The following STIP1 variants were observed in gnomAD, a reference collection of about 807,000 sequenced individuals.
STIP1 encodes the protein stress-induced-phosphoprotein 1.
Under a neutral mutation model 77.4 loss-of-function variants are expected in STIP1, and 16 were observed. The ratio of observed to expected loss-of-function variants is 0.21; its 90% CI spans 0.14 to 0.31. The LOEUF is 0.31. Among genes scored for constraint, STIP1 ranks in the 10% least tolerant of loss-of-function variants. The pLI, the probability that STIP1 is intolerant of heterozygous loss-of-function variation, is 1.00. For missense variants in STIP1, 524 were observed against 684.8 expected, an observed-to-expected ratio of 0.77 and a Z score of 2.62; for synonymous variants, 258 against 246.6, an observed-to-expected ratio of 1.05 and a Z score of -0.44.
At position 64,204,144 on chromosome 11, in the gene STIP1, C is replaced by A; in HGVS notation, c.*18C>A. On this transcript the variant is annotated 3_prime_UTR_variant, in exon 14 of 14. Transcript: ENST00000305218. ...TTCGGTGATGACTTGTTCATCCCCC[C>A]TTCCCTTCGCCCTCATGTGGAAAGA... 1.2e-6 allele frequency: 2 copies of A among 1,613,872 alleles called. No homozygotes were observed. The highest frequency in any genetic ancestry group is 1.7e-6 in the Non-Finnish European group (2 of 1,179,768).
At chr11:64,198,531 G>A (rs1946176568) in intron 8 of STIP1, among the ~76,000 whole-genome samples, 1 of 152,064 alleles carries the variant, frequency 6.6e-6, no homozygotes, top group Non-Finnish European at 1.5e-5. Flanking sequence ...TTTATTTGTA[G>A]AGAAGGGGTC....
At chr11:64,186,302 G>T (rs1370588358) in intron 1 of STIP1, 32 bp downstream of exon 1, 1 of 1,439,190 alleles carries the variant, frequency 6.9e-7, no homozygotes, top group Non-Finnish European at 9.3e-7. Flanking sequence ...GAGGCCCCGA[G>T]CCTGCTCGGG....
At position 64,197,881 on chromosome 11, in the gene STIP1, C is replaced by T. The variant is rs1946168396; in HGVS notation, c.930C>T (p.Tyr310=). The T allele has an allele frequency of 6.2e-7, 1 of 1,612,346 alleles. No individual in the cohort carries two copies. The highest frequency in any genetic ancestry group is 8.5e-7 in the Non-Finnish European group (1 of 1,179,846). The change falls in exon 8 of 14, where the codon TAC becomes TAT. Residue 310 remains tyrosine, a synonymous_variant. Coordinates refer to ENST00000305218, the MANE Select transcript of STIP1 (RefSeq NM_006819.3). ...CATATGCTCGAATTGGCAACTCCTA[C>T]TTCAAAGAAGAAAAGTACAAGGATG... is the stretch of plus-strand genomic sequence containing the variant. ...AKAYARIGNS[Y]FKEEKYKDAI...
chr11:64,193,252 T>A lies in STIP1; in HGVS notation c.184T>A (p.Cys62Ser). Reference protein sequence around the residue: ...GDYQKAYEDGCKTVDLKPDWG... With the variant: ...GDYQKAYEDGSKTVDLKPDWG... The stretch of plus-strand genomic sequence containing the variant: ...CTACCAGAAGGCTTATGAGGATGGC[T>A]GCAAGACTGTCGACCTAAAGCCTGA... The change falls in exon 2 of 14, where the codon TGC becomes AGC. Residue 62 changes from cysteine (C) to serine (S), a missense_variant. Cys to Ser is a moderately radical substitution (Grantham distance 112). Transcript: ENST00000305218. 6.2e-7 allele frequency: 1 copy of A among 1,614,204 alleles called. No homozygotes were observed.
chr11:64,185,624 G>A (rs1345587425), upstream of STIP1: 2 of 660,438 alleles, frequency 3.0e-6, no homozygotes, highest in African/African-American at 1.8e-5. Context: ...GCGGCACTCG[G>A]GAGCGAGAGG....
At chr11:64,186,576 C>G (rs984778406) in intron 1 of STIP1, 31 of 98,710 alleles carry the variant, frequency 3.1e-4, no homozygotes, top group Non-Finnish European at 5.3e-4. Flanking sequence ...GAAGGCGTCC[C>G]GAGGGGGCGG....
At chr11:64,192,968 A>G in intron 1 of STIP1, 110 bp from the exon 2 acceptor site, 1 of 1,026,648 alleles carries the variant, frequency 9.7e-7, no homozygotes. Flanking sequence ...TCTGATCTGT[A>G]AAGTCACCTA....
intron 1 of STIP1, among the ~76,000 whole-genome samples, chr11:64,186,891 C>G (rs1257887120): frequency 6.6e-6 from 1 of 152,166 alleles, no homozygotes; most frequent in African/African-American, 2.4e-5. Context: ...CCGACTCTAC[C>G]TGATGCGGGA....
chr11:64,195,115 T>C lies in STIP1; in HGVS notation c.503+495T>C, dbSNP rs542796244. On this transcript the variant is annotated intron_variant, in intron 4 of 13. Coordinates refer to ENST00000305218, the MANE Select transcript of STIP1 (RefSeq NM_006819.3). The stretch of plus-strand genomic sequence containing the variant: ...TGTGACTTCATTTTATTTTATTTTA[T>C]TTTATTTTATTTTTTCAAGATGGAG... Among the ~76,000 whole-genome samples the C allele has an allele frequency of 6.6e-5, 10 of 152,184 alleles. No individual in the cohort carries two copies. In the South Asian group the frequency reaches 2.1e-3, roughly 32 times the overall value.
chr11:64,194,109 A>C (rs1164598193), intron 2 of STIP1, 80 bp from the exon 3 acceptor site: 2 of 1,542,674 alleles, frequency 1.3e-6, no homozygotes, highest in Non-Finnish European at 1.7e-6. Context: ...CCATAAAAGT[A>C]GAATTGTTCT....
At chr11:64,193,318 C>T (rs371218253) in intron 2 of STIP1, 31 bp downstream of exon 2, 11 of 1,607,008 alleles carry the variant, frequency 6.8e-6, no homozygotes, top group Non-Finnish European at 9.4e-6. Context: ...GGAGAGAGGC[C>T]CTTCAGACCC....
chr11:64,197,774 C>A lies in STIP1; in HGVS notation c.903-80C>A, dbSNP rs565194433. 3.2e-6 allele frequency: 5 copies of A among 1,579,518 alleles called. No homozygotes were observed. The South Asian group carries it at 4.6e-5, about 15-fold the overall frequency. The stretch of plus-strand genomic sequence containing the variant: ...GTTGAAGGCAGTGATGCGGGCCTTT[C>A]TAGCTGCAGGTGTGTTTTTCTGCAG... On this transcript the variant is annotated intron_variant, in intron 7 of 13. Transcript: ENST00000305218.
chr11:64,202,960 G>A (rs952630054), intron 11 of STIP1, 48 bp downstream of exon 11: 3 of 1,613,830 alleles, frequency 1.9e-6, no homozygotes, highest in Non-Finnish European at 2.5e-6. Context: ...CAAAAGATTA[G>A]AGAAGGAAAG....
Position 64,204,349 on chromosome 11 carries a change from G to C in STIP1, c.*223G>C. 1.9e-6 allele frequency: 1 copy of C among 520,348 alleles called. No homozygotes were observed. The highest frequency in any genetic ancestry group is 3.4e-6 in the Non-Finnish European group (1 of 298,040). 32.2% of individuals were successfully genotyped at this position (520,348 alleles called of 1,614,324 possible). ...GCATGGTCTCTTCACCGCTGCCCTC[G>C]AGTTCCATGTCTCTTTCCCCTGCCC... On this transcript the variant is annotated 3_prime_UTR_variant, in exon 14 of 14. Coordinates refer to ENST00000305218, the MANE Select transcript of STIP1 (RefSeq NM_006819.3).
chr11:64,186,249 A>T lies in STIP1; in HGVS notation c.-13A>T, dbSNP rs201738240. The T allele has an allele frequency of 1.2e-4, 176 of 1,418,998 alleles. No homozygotes were observed. In the African/African-American group the frequency reaches 1.9e-3, roughly 15 times the overall value. 87.9% of individuals were successfully genotyped at this position (1,418,998 alleles called of 1,614,324 possible). ...CGGATTCGATTCAACGGGGTTCCGG[A>T]CCGCGCTGCGCTATGGAGCAGGTGA... On this transcript the variant is annotated 5_prime_UTR_variant, in exon 1 of 14. Transcript: ENST00000305218.
chr11:64,195,457 A>C (rs546595297), intron 4 of STIP1, among the ~76,000 whole-genome samples, 188 bp from the exon 5 acceptor site: 1 of 152,120 alleles, frequency 6.6e-6, no homozygotes, highest in South Asian at 2.1e-4. Flanking sequence ...ACTCTATTTT[A>C]GATAGTGTTT....
chr11:64,186,550 G>T, intron 1 of STIP1: 1 of 267,372 alleles, frequency 3.7e-6, no homozygotes. Flanking sequence ...GGGAAGAGGG[G>T]TCGCGACCGG....
At chr11:64,202,956 AT>A in intron 11 of STIP1, 44 bp downstream of exon 11, 1 of 1,613,796 alleles carries the variant, frequency 6.2e-7, no homozygotes, top group Non-Finnish European at 8.5e-7. Flanking sequence ...TAGCCAAAAG[AT>A]TAGAGAAGGA....
At chr11:64,202,806 A>G in intron 10 of STIP1, 70 bp from the exon 11 acceptor site, 7 of 1,587,630 alleles carry the variant, frequency 4.4e-6, no homozygotes, top group East Asian at 2.2e-5. Flanking sequence ...GGAAGTCCAC[A>G]TGCTTGAGTT....
Sources: gnomAD v4.1 joint callset for allele counts (sites outside exome capture counted in the v4.1 genomes callset) on GRCh38, gnomAD v4.1.1 for gene constraint, MANE v1.5 for transcripts, NCBI Gene and HGNC (gene_info 2026-07-23, HGNC 2026-07-21) for gene names.